Variants in LRP1B observed in about 807,000 individuals in gnomAD.
The protein encoded by LRP1B is low-density lipoprotein receptor-related protein 1B.
A neutral mutation model predicts 556.6 loss-of-function variants in LRP1B; 217 were observed. That is an observed-to-expected ratio of 0.39 (90% CI 0.35 to 0.44). The LOEUF is 0.44. Ranked by LOEUF, LRP1B falls within the 20% of genes least tolerant of loss-of-function variation. The pLI, the probability that LRP1B is intolerant of heterozygous loss-of-function variation, is 1.00. For missense variants in LRP1B, 5,053 were observed against 5,620.8 expected (o/e 0.90, Z 3.23); for synonymous variants, 2,047 against 1,865.8 (o/e 1.10, Z -2.50).
chr2:140,984,144 T>C (rs1301041721), intron 17 of LRP1B, among the ~76,000 whole-genome samples: 1 of 151,828 alleles, frequency 6.6e-6, no homozygotes, highest in Non-Finnish European at 1.5e-5. Context: ...GGGGTAAAAA[T>C]AGAAGTGTGA....
At chr2:140,366,329 G>A (rs1682759285) in intron 71 of LRP1B, among the ~76,000 whole-genome samples, 1 of 151,650 alleles carries the variant, frequency 6.6e-6, no homozygotes, top group Admixed American at 6.6e-5. Flanking sequence ...TTTAGTGTGT[G>A]TGGACCATTT....
intron 1 of LRP1B, among the ~76,000 whole-genome samples, chr2:141,974,372 T>A (rs1389519672): frequency 6.6e-6 from 1 of 151,988 alleles, no homozygotes; most frequent in African/African-American, 2.4e-5. Context: ...TGTTCAGAGA[T>A]CAAGGAACTG....
intron 2 of LRP1B, among the ~76,000 whole-genome samples, chr2:141,632,753 A>G (rs967331393): frequency 4.6e-5 from 7 of 152,120 alleles, no homozygotes; most frequent in African/African-American, 1.7e-4. Flanking sequence ...CAACCATGAC[A>G]TAAAAATTGA....
chr2:141,021,019 T>C (rs977399962), intron 11 of LRP1B, among the ~76,000 whole-genome samples: 1 of 151,966 alleles, frequency 6.6e-6, no homozygotes, highest in Non-Finnish European at 1.5e-5. Flanking sequence ...CATTCTTCTG[T>C]TGCATGAAAA....
At chr2:140,748,136 T>TATATATATATATAA (rs1360430336) in intron 35 of LRP1B, among the ~76,000 whole-genome samples, 1 of 35,690 alleles carries the variant, frequency 2.8e-5, no homozygotes, top group Non-Finnish European at 4.4e-5. Flanking sequence ...TATATATATA[T>TATATATATATATAA]AATTCATATA....
intron 2 of LRP1B, among the ~76,000 whole-genome samples, chr2:141,525,924 T>A (rs1684682116): frequency 6.6e-6 from 1 of 152,072 alleles, no homozygotes. Context: ...TGTTCTTTGT[T>A]TTATTATTTT....
intron 3 of LRP1B, among the ~76,000 whole-genome samples, chr2:141,315,622 A>G (rs929446794): frequency 6.6e-6 from 1 of 151,824 alleles, no homozygotes; most frequent in Non-Finnish European, 1.5e-5. Flanking sequence ...ATAATTAGCT[A>G]TAAGTTCAAT....
At chr2:141,506,584 G>A (rs1289467596) in intron 2 of LRP1B, among the ~76,000 whole-genome samples, 1 of 151,934 alleles carries the variant, frequency 6.6e-6, no homozygotes, top group Non-Finnish European at 1.5e-5. Context: ...AAGAGTTAAT[G>A]ACAGGCTGTA....
At chr2:141,525,440 TAGA>T (rs965265707) in intron 2 of LRP1B, among the ~76,000 whole-genome samples, 1 of 152,060 alleles carries the variant, frequency 6.6e-6, no homozygotes, top group African/African-American at 2.4e-5. Context: ...ATCAATTTTG[TAGA>T]AGATCTCATT....
rs972631819 is a variant in LRP1B, at chr2:142,130,990, C to G, written c.-261G>C. On this transcript the variant is annotated 5_prime_UTR_variant, in exon 1 of 91. Coordinates refer to ENST00000389484, the MANE Select transcript of LRP1B (RefSeq NM_018557.3). Reference sequence around the variant, plus strand: ...GAGCGCGAGCGAGACGCCCGTGTGTCTTGACTTTTCAATGCAGGGTACGTC... The same window carrying G: ...GAGCGCGAGCGAGACGCCCGTGTGTGTTGACTTTTCAATGCAGGGTACGTC... The G allele has an allele frequency of 5.5e-6, 3 of 545,180 alleles. No individual in the cohort carries two copies. In the African/African-American group the frequency reaches 5.7e-5, roughly 10 times the overall value. 33.8% of individuals were successfully genotyped at this position (545,180 alleles called of 1,614,324 possible).
chr2:140,431,139 C>T (rs1365013440), intron 66 of LRP1B, among the ~76,000 whole-genome samples: 1 of 152,096 alleles, frequency 6.6e-6, no homozygotes, highest in Non-Finnish European at 1.5e-5. Flanking sequence ...AGCATTTTTT[C>T]AGGCTTTTAG....
At chr2:140,418,175 A>T (rs1685279793) in intron 66 of LRP1B, among the ~76,000 whole-genome samples, 1 of 152,202 alleles carries the variant, frequency 6.6e-6, no homozygotes, top group Non-Finnish European at 1.5e-5. Context: ...TCAAAGCCAA[A>T]CTGTAATTAC....
At chr2:141,606,953 T>A (rs7592197) in intron 2 of LRP1B, among the ~76,000 whole-genome samples, 3,983 of 152,240 alleles carry the variant, frequency 0.026, 168 homozygotes, top group African/African-American at 0.089. Flanking sequence ...TTACGCTATA[T>A]AATGCATTAT....
intron 35 of LRP1B, among the ~76,000 whole-genome samples, chr2:140,750,267 A>C (rs1406743997): frequency 1.3e-5 from 2 of 152,190 alleles, no homozygotes; most frequent in African/African-American, 4.8e-5. Flanking sequence ...CAGACTATAT[A>C]TGGTATATTG....
At chr2:141,385,351 A>T (rs1193554234) in intron 3 of LRP1B, among the ~76,000 whole-genome samples, 1 of 152,188 alleles carries the variant, frequency 6.6e-6, no homozygotes, top group East Asian at 1.9e-4. Context: ...GCAATGATCA[A>T]CAATCCACAA....
At chr2:140,708,815 G>A (rs1441460) in intron 37 of LRP1B, among the ~76,000 whole-genome samples, 72,945 of 151,722 alleles carry the variant, frequency 0.48, 18,751 homozygotes, top group Middle Eastern at 0.59. Context: ...TAGAGCTCAT[G>A]AGCTGACTTA....
chr2:141,041,111 G>A (rs747370597), intron 11 of LRP1B, among the ~76,000 whole-genome samples: 1 of 151,956 alleles, frequency 6.6e-6, no homozygotes, highest in Non-Finnish European at 1.5e-5. Flanking sequence ...AATTTTGAAC[G>A]AGATCCAAGT....
At chr2:141,093,498 A>C (rs1205816069) in intron 7 of LRP1B, among the ~76,000 whole-genome samples, 1 of 152,140 alleles carries the variant, frequency 6.6e-6, no homozygotes, top group East Asian at 1.9e-4. Flanking sequence ...AAAGTTTAGC[A>C]ATTTAAAATG....
chr2:140,847,777 GAAGA>G (rs1290557858), intron 29 of LRP1B, among the ~76,000 whole-genome samples: 1 of 9,366 alleles, frequency 1.1e-4, no homozygotes, highest in Non-Finnish European at 3.7e-4. Flanking sequence ...AAAAAAAAAA[GAAGA>G]AAGAAAAGAA....
Sources: allele counts gnomAD v4.1 joint callset (sites outside exome capture counted in the v4.1 genomes callset), GRCh38; gene constraint gnomAD v4.1.1; transcripts MANE v1.5; gene names NCBI Gene and HGNC (gene_info 2026-07-23, HGNC 2026-07-21).